TAFA2: variants seen among roughly 807,000 people sequenced by gnomAD.
TAFA2 encodes TAFA chemokine like family member 2.
A neutral mutation model predicts 18.8 loss-of-function variants in TAFA2; 7 were observed. The observed-to-expected ratio is 0.37, with a 90% CI of 0.21 to 0.70. The LOEUF is 0.70. TAFA2 is among the 30% of genes least tolerant of loss of function. The probability of loss-of-function intolerance (pLI) is 0.53; values close to 1 mark genes in which losing one functional copy is unlikely to be tolerated. For missense variants in TAFA2, 122 were observed against 158.1 expected, an observed-to-expected ratio of 0.77 and a Z score of 1.23; for synonymous variants, 60 against 54.2, an observed-to-expected ratio of 1.11 and a Z score of -0.47.
chr12:62,011,145 C>G (rs1342174116), intron 1 of TAFA2, among the ~76,000 whole-genome samples: 2 of 149,306 alleles, frequency 1.3e-5, no homozygotes, highest in Non-Finnish European at 3.0e-5. Context: ...CCCGGCCGCC[C>G]CGTCTGGGAA....
intron 1 of TAFA2, among the ~76,000 whole-genome samples, chr12:62,180,127 G>A (rs1372687682): frequency 6.6e-6 from 1 of 152,216 alleles, no homozygotes; most frequent in African/African-American, 2.4e-5. Context: ...CCAATGTGCA[G>A]TAAGCTTGAT....
At chr12:61,853,133 T>C (rs142119639) in intron 2 of TAFA2, among the ~76,000 whole-genome samples, 304 of 152,308 alleles carry the variant, frequency 2.0e-3, no homozygotes, top group African/African-American at 6.5e-3. Flanking sequence ...TGTATACATA[T>C]ATCAAAACAT....
At chr12:62,013,744 G>A (rs1486030874) in intron 1 of TAFA2, among the ~76,000 whole-genome samples, 1 of 152,068 alleles carries the variant, frequency 6.6e-6, no homozygotes, top group Non-Finnish European at 1.5e-5. Flanking sequence ...TTCAAATCTT[G>A]ACCATCTAAT....
At chr12:62,079,961 G>A (rs1380618270) in intron 1 of TAFA2, among the ~76,000 whole-genome samples, 1 of 152,196 alleles carries the variant, frequency 6.6e-6, no homozygotes, top group Non-Finnish European at 1.5e-5. Context: ...CAGGCACAAA[G>A]AGACTGGTTT....
intron 1 of TAFA2, among the ~76,000 whole-genome samples, chr12:61,973,027 G>C (rs1392224476): frequency 6.6e-6 from 1 of 151,560 alleles, no homozygotes; most frequent in Non-Finnish European, 1.5e-5. Context: ...TAGCATCCCA[G>C]AAAAAGATAT....
chr12:62,084,814 A>G (rs955598532), intron 1 of TAFA2, among the ~76,000 whole-genome samples: 2 of 152,128 alleles, frequency 1.3e-5, no homozygotes, highest in East Asian at 3.9e-4. Flanking sequence ...CAGATTTTGA[A>G]TTTTGATCTT....
At position 61,932,722 on chromosome 12, in the gene TAFA2, G is replaced by A. The variant is rs1039033198; in HGVS notation, c.-1-65296C>T. Among the ~76,000 whole-genome samples, 13 of 152,198 alleles carry A rather than the reference G, an allele frequency of 8.5e-5. 1 individual carries two copies. The highest frequency in any genetic ancestry group is 6.5e-4 in the Admixed American group (10 of 15,280). On this transcript the variant is annotated intron_variant, in intron 1 of 4. Transcript: ENST00000416284. ...CCCAAAGTGCTGGGATTACAGGTGT[G>A]AGCCACCGCGCCCAGCCCCATAACT... is the stretch of plus-strand genomic sequence containing the variant.
intron 1 of TAFA2, among the ~76,000 whole-genome samples, chr12:62,219,800 T>G (rs773537257): frequency 6.6e-6 from 1 of 152,094 alleles, no homozygotes; most frequent in South Asian, 2.1e-4. Flanking sequence ...AATAGGTTGT[T>G]AAAGTAAAGA....
intron 1 of TAFA2, among the ~76,000 whole-genome samples, chr12:62,153,921 ATTATGTTATGTTATG>A (rs60466452): frequency 0.01 from 1,283 of 124,120 alleles, 62 homozygotes; most frequent in Admixed American, 0.094. Flanking sequence ...ACATAACAAA[ATTATGTTATGTTATG>A]TTATGTTATG....
chr12:61,836,743 AT>A (rs1565651185), intron 2 of TAFA2, among the ~76,000 whole-genome samples: 13 of 142,294 alleles, frequency 9.1e-5, no homozygotes, highest in African/African-American at 3.3e-4. Flanking sequence ...ATATATATAT[AT>A]ATATATATAT....
intron 1 of TAFA2, among the ~76,000 whole-genome samples, chr12:62,157,543 G>T (rs546274800): frequency 1.1e-3 from 162 of 152,166 alleles, no homozygotes; most frequent in Non-Finnish European, 9.1e-4. Context: ...CCACTCTGCG[G>T]TCCAGTCTGC....
intron 2 of TAFA2, among the ~76,000 whole-genome samples, chr12:61,811,518 C>T (rs893819542): frequency 1.3e-5 from 2 of 151,214 alleles, no homozygotes; most frequent in Non-Finnish European, 2.9e-5. Flanking sequence ...AATAGAAATA[C>T]GTAAAGGACA....
intron 2 of TAFA2, among the ~76,000 whole-genome samples, chr12:61,843,944 G>A (rs1278732981): frequency 1.3e-5 from 2 of 152,090 alleles, no homozygotes; most frequent in Non-Finnish European, 2.9e-5. Flanking sequence ...TCCTGAAACT[G>A]AGTCAATATG....
At chr12:61,902,892 C>T (rs1876171186) in intron 1 of TAFA2, among the ~76,000 whole-genome samples, 2 of 108,606 alleles carry the variant, frequency 1.8e-5, no homozygotes, top group Non-Finnish European at 3.6e-5. Flanking sequence ...ACCATCCAAC[C>T]TAGCCAAAAA....
At chr12:62,078,537 G>C (rs1868272921) in intron 1 of TAFA2, among the ~76,000 whole-genome samples, 1 of 151,936 alleles carries the variant, frequency 6.6e-6, no homozygotes, top group South Asian at 2.1e-4. Flanking sequence ...ATCACACCCA[G>C]GGGTGTAGAT....
intron 1 of TAFA2, among the ~76,000 whole-genome samples, chr12:61,975,393 A>G (rs1879393702): frequency 1.3e-5 from 2 of 151,594 alleles, no homozygotes; most frequent in South Asian, 4.1e-4. Context: ...TATACGTGAA[A>G]TCATGCAGTA....
chr12:62,091,453 T>G (rs1038174319), intron 1 of TAFA2, among the ~76,000 whole-genome samples: 2 of 151,986 alleles, frequency 1.3e-5, no homozygotes, highest in African/African-American at 2.4e-5. Flanking sequence ...GAACTCACTA[T>G]GTAACATATC....
intron 1 of TAFA2, among the ~76,000 whole-genome samples, chr12:62,081,534 G>C (rs1394033507): frequency 6.6e-6 from 1 of 151,890 alleles, no homozygotes; most frequent in African/African-American, 2.4e-5. Context: ...ACCCAGGCTG[G>C]AGTACGGTGG....
intron 1 of TAFA2, among the ~76,000 whole-genome samples, chr12:61,873,995 A>G (rs1874734113): frequency 6.6e-6 from 1 of 152,274 alleles, no homozygotes; most frequent in Non-Finnish European, 1.5e-5. Context: ...GTTGTGTGTT[A>G]TATCATCCAG....
Sources: allele counts gnomAD v4.1 joint callset (sites outside exome capture counted in the v4.1 genomes callset), GRCh38; gene constraint gnomAD v4.1.1; transcripts MANE v1.5; gene names NCBI Gene and HGNC (gene_info 2026-07-23, HGNC 2026-07-21).